KCNU1: variants seen among roughly 807,000 people sequenced by gnomAD.
KCNU1 encodes the protein potassium channel subfamily U member 1.
KCNU1 carries 93 observed loss-of-function variants against 126.8 expected under a neutral mutation model. The observed-to-expected ratio is 0.73, with a 90% CI of 0.62 to 0.87. KCNU1 has a LOEUF of 0.87. Ranked by LOEUF, KCNU1 falls within the 40% of genes least tolerant of loss-of-function variation. The pLI is 0.00. For missense variants in KCNU1, 1,330 were observed against 1,367.1 expected (o/e 0.97, Z 0.43); for synonymous variants, 523 against 494.2 (o/e 1.06, Z -0.77).
intron 26 of KCNU1, among the ~76,000 whole-genome samples, chr8:36,933,491 C>T (rs551058208): frequency 6.6e-6 from 1 of 152,156 alleles, no homozygotes; most frequent in South Asian, 2.1e-4. Context: ...ATATGTTCGG[C>T]TTTCAATTTA....
intron 2 of KCNU1, among the ~76,000 whole-genome samples, chr8:36,791,874 GT>G (rs1563257449): frequency 1.3e-5 from 2 of 151,920 alleles, no homozygotes; most frequent in African/African-American, 2.4e-5. Flanking sequence ...CTGTATCTTT[GT>G]TTTTTTCCAC....
chr8:36,854,588 A>G (rs1277575132), intron 18 of KCNU1, among the ~76,000 whole-genome samples: 7 of 150,770 alleles, frequency 4.6e-5, no homozygotes, highest in Non-Finnish European at 7.4e-5. Flanking sequence ...GTAACTATTT[A>G]ATGACATTCT....
Position 36,931,020 on chromosome 8 carries a change from GAAC to G in KCNU1, c.2811_2813del (p.Gln937del). 1 of 1,611,382 alleles carries G rather than the reference GAAC, an allele frequency of 6.2e-7. No homozygotes were observed. Among genetic ancestry groups the G allele is most frequent in the Non-Finnish European group, 8.5e-7 (1 of 1,178,602 alleles). On this transcript the variant is annotated inframe_deletion, in exon 25 of 27. Transcript: ENST00000399881. Reference sequence around the variant, plus strand: ...GACAGGAGGAGTAAGTTCTCAGCTGGAACAACATTTAGATAAGGATAAAGTCTA... The same window carrying G: ...GACAGGAGGAGTAAGTTCTCAGCTGGAACATTTAGATAAGGATAAAGTCTA...
chr8:36,860,798 G>T (rs963640580), intron 18 of KCNU1, among the ~76,000 whole-genome samples: 5 of 151,944 alleles, frequency 3.3e-5, no homozygotes, highest in Admixed American at 3.3e-4. Flanking sequence ...TTGGAAAGAG[G>T]GTGCAAAAAC....
intron 19 of KCNU1, among the ~76,000 whole-genome samples, chr8:36,904,317 A>G (rs920503281): frequency 9.2e-5 from 14 of 152,164 alleles, no homozygotes; most frequent in African/African-American, 3.4e-4. Flanking sequence ...AGAGACCCTG[A>G]GAACTTCACC....
In KCNU1 at chr8:36,931,086, A is replaced by G. The variant is rs768183786; in HGVS notation, c.2872A>G (p.Arg958Gly). 2 of 1,611,924 alleles carry G rather than the reference A, an allele frequency of 1.2e-6. No homozygotes were observed. Among genetic ancestry groups the G allele is most frequent in the East Asian group, 2.2e-5 (1 of 44,782 alleles). The change falls in exon 25 of 27, where the codon AGA becomes GGA. Residue 958 changes from arginine to glycine, a missense_variant. Coordinates refer to ENST00000399881, the MANE Select transcript of KCNU1 (RefSeq NM_001031836.3). ...ADSCTSLLSG[R>G]NRCKLGLLSL... ...TAGCTGCACGTCGCTCTTGTCTGGA[A>G]GAAACCGGTGTAAGCTGGGGCTTCT...
chr8:36,864,458 C>T lies in KCNU1; in HGVS notation c.1946C>T (p.Ser649Leu), dbSNP rs1181763757. 2 of 1,613,090 alleles carry T rather than the reference C, an allele frequency of 1.2e-6. No individual in the cohort carries two copies. Among genetic ancestry groups the T allele is most frequent in the South Asian group, 2.2e-5 (2 of 91,060 alleles). ...KCLKGISSRI[S>L]GQDSPPRVSA... is the part of the protein sequence containing the mutation. ...CTGAAGGGAATCTCCTCTCGTATAT[C>T]AGGGCAGGATTCTCCGCCAAGGGTA... The change falls in exon 19 of 27, where the codon TCA becomes TTA. Residue 649 changes from serine (S) to leucine (L), a missense_variant. By Grantham distance (145) the Ser-to-Leu change is moderately radical. Transcript: ENST00000399881.
intron 1 of KCNU1, 64 bp from the exon 2 acceptor site, chr8:36,787,242 A>G (rs1802738364): frequency 4.8e-6 from 7 of 1,465,080 alleles, no homozygotes; most frequent in Non-Finnish European, 6.4e-6. Context: ...CATCAACGTA[A>G]GTAGAACAGA....
At chr8:36,818,961 G>A (rs1238465515) in intron 10 of KCNU1, among the ~76,000 whole-genome samples, 1 of 151,998 alleles carries the variant, frequency 6.6e-6, no homozygotes, top group Non-Finnish European at 1.5e-5. Flanking sequence ...CTAAAACTAG[G>A]GATTAAAAGC....
chr8:36,822,053 AG>A (rs1804148544), intron 10 of KCNU1, among the ~76,000 whole-genome samples: 2 of 152,062 alleles, frequency 1.3e-5, no homozygotes. Context: ...TCCTACCAAA[AG>A]TGGAGTCCAT....
chr8:36,818,644 C>T (rs12547121), intron 10 of KCNU1, among the ~76,000 whole-genome samples: 30,421 of 152,138 alleles, frequency 0.2, 3,341 homozygotes, highest in Admixed American at 0.32. Context: ...ATCGGTTACC[C>T]AAATATCATT....
At chr8:36,833,701 T>A in intron 11 of KCNU1, 42 bp downstream of exon 11, 2 of 1,161,456 alleles carry the variant, frequency 1.7e-6, no homozygotes, top group South Asian at 1.2e-5. Context: ...TTTCCTTAGT[T>A]GCAACAATTA....
chr8:36,877,608 T>C (rs1432371068), intron 19 of KCNU1, among the ~76,000 whole-genome samples: 1 of 152,094 alleles, frequency 6.6e-6, no homozygotes, highest in Non-Finnish European at 1.5e-5. Context: ...TGGCCTAGTT[T>C]TTCCATTTTT....
chr8:36,862,802 G>C (rs1008548365), intron 18 of KCNU1, among the ~76,000 whole-genome samples: 3 of 152,186 alleles, frequency 2.0e-5, no homozygotes, highest in Admixed American at 2.0e-4. Flanking sequence ...AAGGAGAGAC[G>C]TCCTAAAAGT....
At chr8:36,786,484 A>T (rs776889274) in intron 1 of KCNU1, among the ~76,000 whole-genome samples, 4 of 152,140 alleles carry the variant, frequency 2.6e-5, no homozygotes, top group Non-Finnish European at 5.9e-5. Flanking sequence ...TGAGTAGAAA[A>T]ATTAAGTGAT....
At chr8:36,896,730 C>T (rs1448555114) in intron 19 of KCNU1, among the ~76,000 whole-genome samples, 2 of 151,894 alleles carry the variant, frequency 1.3e-5, no homozygotes, top group South Asian at 2.1e-4. Flanking sequence ...TTCTTTTTCA[C>T]ACAGTAAAAA....
intron 19 of KCNU1, among the ~76,000 whole-genome samples, chr8:36,887,071 A>G (rs1418947819): frequency 1.3e-5 from 2 of 152,058 alleles, no homozygotes; most frequent in African/African-American, 2.4e-5. Context: ...GGTTGTTTCC[A>G]TATCTTTACA....
At chr8:36,836,234 T>G in intron 12 of KCNU1, 62 bp from the exon 13 acceptor site, 1 of 1,041,720 alleles carries the variant, frequency 9.6e-7, no homozygotes, top group East Asian at 2.4e-5. Context: ...CTGAATTAAA[T>G]TATATTACAA....
intron 13 of KCNU1, 143 bp downstream of exon 13, chr8:36,836,508 C>T (rs1489896977): frequency 1.6e-6 from 1 of 630,820 alleles, no homozygotes; most frequent in Non-Finnish European, 2.7e-6. Flanking sequence ...TGGATAATCA[C>T]TTAACAATGT....
Sources: gnomAD v4.1 joint callset for allele counts (sites outside exome capture counted in the v4.1 genomes callset) on GRCh38, gnomAD v4.1.1 for gene constraint, MANE v1.5 for transcripts, NCBI Gene and HGNC (gene_info 2026-07-23, HGNC 2026-07-21) for gene names.